Variants in IKBKB-DT observed in about 807,000 individuals in gnomAD.
The protein encoded by IKBKB-DT is IKBKB antisense RNA.
intron 1 of IKBKB-DT, among the ~76,000 whole-genome samples, chr8:42,269,932 G>C (rs539576751): frequency 6.6e-6 from 1 of 152,218 alleles, no homozygotes; most frequent in South Asian, 2.1e-4. Context: ...TGTTTTGGCT[G>C]TTTTCAATTT....
rs773177896 is a variant in IKBKB-DT, at chr8:42,241,224, C to CTTTTTTTTT, written n.1530-7374_1530-7366dup. On this transcript the variant is annotated intron_variant and non_coding_transcript_variant, in intron 3 of 3. Transcript: ENST00000518213. ...TTGATGCCTTTAGATATGTTGGAAT[C>CTTTTTTTTT]TTTTTTTTTTTTTTTTTTTTTTTTT... 4.0e-3 allele frequency among the ~76,000 whole-genome samples: 183 copies of CTTTTTTTTT among 45,690 alleles called. 65 individuals are homozygous for CTTTTTTTTT. The highest frequency in any genetic ancestry group is 0.013 in the East Asian group (9 of 674). The allele number at this position is 45,690 out of a possible 152,430, so 30.0% of individuals were successfully genotyped here. A position where few individuals can be genotyped will look rare whatever the true frequency, so the allele number is the denominator to read the frequency against.
intron 3 of IKBKB-DT, among the ~76,000 whole-genome samples, chr8:42,236,698 G>A (rs775724038): frequency 3.9e-5 from 6 of 152,064 alleles, no homozygotes; most frequent in East Asian, 1.9e-4. Context: ...CAGAGGTTGC[G>A]GTGAGCTAAG....
At chr8:42,261,899 C>T (rs1021259732) in intron 3 of IKBKB-DT, among the ~76,000 whole-genome samples, 5 of 152,208 alleles carry the variant, frequency 3.3e-5, no homozygotes, top group East Asian at 1.9e-4. Flanking sequence ...GGGGTGTCCC[C>T]GACCTGGCAG....
chr8:42,258,037 G>C (rs1807230714), intron 3 of IKBKB-DT, among the ~76,000 whole-genome samples: 1 of 151,052 alleles, frequency 6.6e-6, no homozygotes, highest in African/African-American at 2.4e-5. Context: ...ATTCTGATAA[G>C]ACGCAGATTT....
chr8:42,248,655 C>T (rs1231749606), intron 3 of IKBKB-DT, among the ~76,000 whole-genome samples: 4 of 151,466 alleles, frequency 2.6e-5, no homozygotes, highest in South Asian at 2.1e-4. Flanking sequence ...CCAAGGCAGG[C>T]GGATCATGAG....
At chr8:42,234,145 T>C (rs1046397433) in intron 3 of IKBKB-DT, among the ~76,000 whole-genome samples, 1 of 152,206 alleles carries the variant, frequency 6.6e-6, no homozygotes, top group Admixed American at 6.5e-5. Context: ...CAAAGTTAGT[T>C]CAACCTACGC....
At chr8:42,237,632 C>T (rs1806941746) in intron 3 of IKBKB-DT, among the ~76,000 whole-genome samples, 1 of 151,968 alleles carries the variant, frequency 6.6e-6, no homozygotes, top group South Asian at 2.1e-4. Flanking sequence ...TGACACCCAC[C>T]CCTACCAGTA....
intron 3 of IKBKB-DT, among the ~76,000 whole-genome samples, chr8:42,242,386 A>T (rs1266222499): frequency 1.3e-5 from 2 of 152,188 alleles, no homozygotes; most frequent in Non-Finnish European, 2.9e-5. Context: ...AGCAGAGCTC[A>T]CCTTATAGCA....
intron 3 of IKBKB-DT, among the ~76,000 whole-genome samples, chr8:42,235,224 A>C (rs1431331808): frequency 2.0e-5 from 1 of 50,366 alleles, no homozygotes; most frequent in Admixed American, 2.3e-4. Context: ...TTTTTTTTTG[A>C]GACAGAGTCT....
intron 3 of IKBKB-DT, among the ~76,000 whole-genome samples, chr8:42,240,305 C>T (rs1318820231): frequency 6.6e-6 from 1 of 151,496 alleles, no homozygotes; most frequent in African/African-American, 2.4e-5. Flanking sequence ...AATTCTAAGC[C>T]TGTCTCTTAA....
chr8:42,260,763 C>T (rs1807275683), intron 3 of IKBKB-DT, among the ~76,000 whole-genome samples: 1 of 151,602 alleles, frequency 6.6e-6, no homozygotes, highest in Non-Finnish European at 1.5e-5. Flanking sequence ...TATTGAACTC[C>T]TATTTGAATA....
intron 3 of IKBKB-DT, among the ~76,000 whole-genome samples, chr8:42,261,185 G>A (rs556857539): frequency 1.3e-5 from 2 of 152,170 alleles, no homozygotes; most frequent in East Asian, 3.9e-4. Context: ...ATATTAGCTG[G>A]ATGTGCTGGT....
At chr8:42,259,981 C>CAAAAA (rs111459897) in intron 3 of IKBKB-DT, among the ~76,000 whole-genome samples, 10 of 63,622 alleles carry the variant, frequency 1.6e-4, no homozygotes, top group African/African-American at 3.9e-4. Context: ...GACTCCGTCT[C>CAAAAA]AAAAAAAAAA....
intron 3 of IKBKB-DT, among the ~76,000 whole-genome samples, chr8:42,240,830 C>G (rs1806992506): frequency 6.6e-6 from 1 of 151,796 alleles, no homozygotes; most frequent in African/African-American, 2.4e-5. Context: ...CAAACATTAG[C>G]CAGGCATGGT....
Position 42,253,805 on chromosome 8 carries a change from C to T in IKBKB-DT, n.1529+9524G>A, listed in dbSNP as rs966745031. Among the ~76,000 whole-genome samples the T allele has an allele frequency of 9.2e-5, 14 of 152,324 alleles. 1 individual carries two copies. In the East Asian group the frequency reaches 1.5e-3, roughly 17 times the overall value. On this transcript the variant is annotated intron_variant and non_coding_transcript_variant, in intron 3 of 3. Coordinates refer to ENST00000518213, the Ensembl canonical transcript of IKBKB-DT. ...GGAGTCAGGGTCATTTATAACCCGACGCATCCACCCTACTGCTGTGCCCAG... is the reference window on the plus strand; with the variant it reads ...GGAGTCAGGGTCATTTATAACCCGATGCATCCACCCTACTGCTGTGCCCAG...
intron 3 of IKBKB-DT, among the ~76,000 whole-genome samples, chr8:42,256,867 T>C (rs1296311298): frequency 6.6e-6 from 1 of 152,124 alleles, no homozygotes; most frequent in Non-Finnish European, 1.5e-5. Context: ...AGAAACCACA[T>C]AAGCATGGTG....
At chr8:42,265,915 A>G (rs1220753113) in exon 2 of IKBKB-DT, among the ~76,000 whole-genome samples, 3 of 152,142 alleles carry the variant, frequency 2.0e-5, no homozygotes, top group Non-Finnish European at 4.4e-5. Flanking sequence ...GTCCAGTCAC[A>G]GAGACAGCAG....
intron 3 of IKBKB-DT, among the ~76,000 whole-genome samples, chr8:42,253,516 A>G (rs932518152): frequency 8.5e-5 from 13 of 152,192 alleles, no homozygotes; most frequent in Non-Finnish European, 8.8e-5. Context: ...AAAAATTGGA[A>G]TGTTAGTTTG....
intron 3 of IKBKB-DT, among the ~76,000 whole-genome samples, chr8:42,258,563 G>T (rs1163219617): frequency 1.3e-5 from 2 of 151,946 alleles, no homozygotes; most frequent in African/African-American, 4.8e-5. Context: ...CCGCCTCCTG[G>T]ATTCACGCCA....
Sources: allele counts gnomAD v4.1 joint callset (sites outside exome capture counted in the v4.1 genomes callset), GRCh38; gene constraint gnomAD v4.1.1; transcripts MANE v1.5; gene names NCBI Gene and HGNC (gene_info 2026-07-23, HGNC 2026-07-21).